The following CREG1 variants were observed in gnomAD, a reference collection of about 807,000 sequenced individuals.
CREG1 encodes the protein protein CREG1.
A neutral mutation model predicts 19.9 loss-of-function variants in CREG1; 20 were observed. That is an observed-to-expected ratio of 1.01 (90% confidence interval 0.71 to 1.46). CREG1 has a LOEUF of 1.46. Among genes scored for constraint, CREG1 ranks in the 40% most tolerant of loss-of-function variants. CREG1 has a pLI of 0.00. For synonymous variants in CREG1, 141 were observed against 143.3 expected (o/e 0.98, Z 0.12); for missense variants, 290 against 314.9 (o/e 0.92, Z 0.60).
At chr1:167,546,042 G>A in intron 3 of CREG1, 59 bp downstream of exon 3, 1 of 1,456,870 alleles carries the variant, frequency 6.9e-7, no homozygotes, top group Non-Finnish European at 9.2e-7. Context: ...CCTTGCCTTA[G>A]AAGGCTGAGG....
intron 1 of CREG1, among the ~76,000 whole-genome samples, chr1:167,551,866 G>T (rs994026414): frequency 3.9e-5 from 6 of 152,188 alleles, no homozygotes; most frequent in African/African-American, 1.4e-4. Context: ...ATAAGAAAAT[G>T]GTGAACTGGG....
chr1:167,551,072 C>T (rs1390898545), intron 1 of CREG1, among the ~76,000 whole-genome samples: 1 of 152,158 alleles, frequency 6.6e-6, no homozygotes, highest in Non-Finnish European at 1.5e-5. Flanking sequence ...CAAACACGGT[C>T]CCACTATAAG....
At chr1:167,549,655 T>A (rs1295277046) in intron 1 of CREG1, among the ~76,000 whole-genome samples, 1 of 151,956 alleles carries the variant, frequency 6.6e-6, no homozygotes, top group Non-Finnish European at 1.5e-5. Context: ...AGTGCTGGGA[T>A]TACAGGCGTG....
chr1:167,541,959 G>A lies in CREG1; in HGVS notation c.*339C>T, dbSNP rs1271203904. Reference sequence around the variant, plus strand: ...TACTCAACTACCTTCAAATGCCAATGGGCAATTTAAAACTGGTACTCATTC... The same window carrying A: ...TACTCAACTACCTTCAAATGCCAATAGGCAATTTAAAACTGGTACTCATTC... On this transcript the variant is annotated 3_prime_UTR_variant, in exon 4 of 4. Transcript: ENST00000370509. 4.8e-6 allele frequency: 1 copy of A among 209,328 alleles called. No individual in the cohort carries two copies. Among genetic ancestry groups the A allele is most frequent in the Non-Finnish European group, 9.5e-6 (1 of 105,356 alleles). The allele number at this position is 209,328 out of a possible 1,614,324, so 13.0% of individuals were successfully genotyped here.
Position 167,542,231 on chromosome 1 carries a change from C to A in CREG1, c.*67G>T. On this transcript the variant is annotated 3_prime_UTR_variant, in exon 4 of 4. Coordinates refer to ENST00000370509, the MANE Select transcript of CREG1 (RefSeq NM_003851.3). ...GGACGCTTTCCAGAGAAACATTAAG[C>A]CTTTTAAGTGTGTATGAGCCACTTT... The A allele has an allele frequency of 7.0e-7, 1 of 1,429,690 alleles. No homozygotes were observed. 88.6% of individuals were successfully genotyped at this position (1,429,690 alleles called of 1,614,324 possible).
At chr1:167,552,950 G>C (rs1011392466) in intron 1 of CREG1, among the ~76,000 whole-genome samples, 1 of 151,906 alleles carries the variant, frequency 6.6e-6, no homozygotes. Context: ...GGTAGGCTGA[G>C]GCACGAGAAT....
At chr1:167,551,897 A>T (rs1016811305) in intron 1 of CREG1, among the ~76,000 whole-genome samples, 5 of 152,250 alleles carry the variant, frequency 3.3e-5, no homozygotes, top group African/African-American at 9.6e-5. Flanking sequence ...CTTAGCTAAA[A>T]GAGGGCACTG....
At position 167,546,173 on chromosome 1, in the gene CREG1, T is replaced by C. The variant is rs766343738; in HGVS notation, c.587A>G (p.Asn196Ser). 12 of 1,613,492 alleles carry C rather than the reference T, an allele frequency of 7.4e-6. No individual in the cohort carries two copies. Among genetic ancestry groups the C allele is most frequent in the African/African-American group, 4.0e-5 (3 of 74,930 alleles). Reference sequence around the variant, plus strand: ...ACCAAAGTAGTCCAGGACCCAGATATTGGTTATATTCAACTTAGCAAAGAA... The same window carrying C: ...ACCAAAGTAGTCCAGGACCCAGATACTGGTTATATTCAACTTAGCAAAGAA... Reference protein sequence around the residue: ...NWFFAKLNITNIWVLDYFGGP... With the variant: ...NWFFAKLNITSIWVLDYFGGP... The change falls in exon 3 of 4, where the codon AAT (asparagine) becomes AGT (serine). Residue 196 changes from asparagine to serine, a missense_variant. Asn to Ser is a conservative substitution (Grantham distance 46). Coordinates refer to ENST00000370509, the MANE Select transcript of CREG1 (RefSeq NM_003851.3).
At chr1:167,547,933 A>T (rs1301790603) in intron 2 of CREG1, 69 bp downstream of exon 2, 1 of 1,518,676 alleles carries the variant, frequency 6.6e-7, no homozygotes, top group East Asian at 2.3e-5. Flanking sequence ...AAGAAAAATG[A>T]TCTATTCTTT....
At position 167,541,181 on chromosome 1, in the gene CREG1, A is replaced by G. The variant is rs1355001755; in HGVS notation, c.*1117T>C. 2 of 152,174 alleles carry G rather than the reference A, an allele frequency of 1.3e-5. No individual in the cohort carries two copies. Among genetic ancestry groups the G allele is most frequent in the African/African-American group, 4.8e-5 (2 of 41,436 alleles). The allele number at this position is 152,174 out of a possible 1,614,324, so 9.4% of individuals were successfully genotyped here. ...TCATATTCAACTTTTCTCTTTAAGG[A>G]TTCAGTGGCTTGATTCCTGACATTT... On this transcript the variant is annotated 3_prime_UTR_variant, in exon 4 of 4. Coordinates refer to ENST00000370509, the MANE Select transcript of CREG1 (RefSeq NM_003851.3).
intron 1 of CREG1, among the ~76,000 whole-genome samples, chr1:167,550,032 C>T (rs1405538612): frequency 6.6e-6 from 1 of 152,170 alleles, no homozygotes; most frequent in Non-Finnish European, 1.5e-5. Flanking sequence ...CTCTGTCACC[C>T]AGGCTGGAGT....
At chr1:167,546,366 G>T in intron 2 of CREG1, 81 bp from the exon 3 acceptor site, 1 of 1,000,340 alleles carries the variant, frequency 1.0e-6, no homozygotes, top group Non-Finnish European at 1.5e-6. Flanking sequence ...TGATTAGGCC[G>T]GGTGCAGTGG....
At chr1:167,546,722 A>G (rs1656333969) in intron 2 of CREG1, among the ~76,000 whole-genome samples, 1 of 152,262 alleles carries the variant, frequency 6.6e-6, no homozygotes, top group South Asian at 2.1e-4. Context: ...TCTTAACCTT[A>G]AGGAATCAAG....
intron 3 of CREG1, among the ~76,000 whole-genome samples, chr1:167,545,415 G>GGTGACAGCCTAT: frequency 6.6e-6 from 1 of 152,000 alleles, no homozygotes; most frequent in East Asian, 1.9e-4. Flanking sequence ...TAAACCACAG[G>GGTGACAGCCTAT]GTGACAGCCT....
Position 167,553,593 on chromosome 1 carries a change from G to C in CREG1, c.149C>G (p.Pro50Arg). The C allele has an allele frequency of 7.0e-7, 1 of 1,420,164 alleles. No individual in the cohort carries two copies. Among genetic ancestry groups the C allele is most frequent in the Non-Finnish European group, 9.2e-7 (1 of 1,092,092 alleles). The allele number at this position is 1,420,164 out of a possible 1,614,324, so 88.0% of individuals were successfully genotyped here. A position where few individuals can be genotyped will look rare whatever the true frequency, so the allele number is the denominator to read the frequency against. The change falls in exon 1 of 4, where the codon CCA (proline) becomes CGA (arginine). Residue 50 changes from proline (P) to arginine (R), a missense_variant. Transcript: ENST00000370509. ...WDEASRLPPL[P>R]PREDAARVAR... ...CACGCGCGCCGCGTCCTCGCGGGGTGGTAGCGGCGGCAGCCGGGAGGCCTC... is the reference window on the plus strand; with the variant it reads ...CACGCGCGCCGCGTCCTCGCGGGGTCGTAGCGGCGGCAGCCGGGAGGCCTC...
At chr1:167,543,537 C>T (rs768180407) in intron 3 of CREG1, among the ~76,000 whole-genome samples, 10 of 152,358 alleles carry the variant, frequency 6.6e-5, no homozygotes, top group South Asian at 4.1e-4. Flanking sequence ...AGCTCCAGAA[C>T]GCCTGTGAGG....
At chr1:167,543,635 G>A (rs1158820674) in intron 3 of CREG1, among the ~76,000 whole-genome samples, 2 of 152,198 alleles carry the variant, frequency 1.3e-5, no homozygotes, top group Non-Finnish European at 2.9e-5. Flanking sequence ...CAGCTCTGGT[G>A]GCAAACCTGG....
rs980986769 is a variant in CREG1 at position 167,553,556 on chromosome 1, C to T, written c.186G>A (p.Val62=). ...REDAARVARF[V]THVSDWGALA... ...GAGCGCCCCAGTCGGAGACGTGCGT[C>T]ACGAAGCGGGCCACGCGCGCCGCGT... Residue 62 remains valine (V), a synonymous_variant, in exon 1 of 4, where the codon GTG becomes GTA. Coordinates refer to ENST00000370509, the MANE Select transcript of CREG1 (RefSeq NM_003851.3). 6.8e-7 allele frequency: 1 copy of T among 1,468,102 alleles called. No individual in the cohort carries two copies. The highest frequency in any genetic ancestry group is 9.0e-7 in the Non-Finnish European group (1 of 1,116,460). 90.9% of individuals were successfully genotyped at this position (1,468,102 alleles called of 1,614,324 possible). A position where few individuals can be genotyped will look rare whatever the true frequency, so the allele number is the denominator to read the frequency against.
At chr1:167,543,613 C>G (rs1571624232) in intron 3 of CREG1, among the ~76,000 whole-genome samples, 1 of 152,164 alleles carries the variant, frequency 6.6e-6, no homozygotes, top group Non-Finnish European at 1.5e-5. Flanking sequence ...GTACACTCCC[C>G]GGACTATTAA....
Sources: gnomAD v4.1 joint callset for allele counts (sites outside exome capture counted in the v4.1 genomes callset) on GRCh38, gnomAD v4.1.1 for gene constraint, MANE v1.5 for transcripts, NCBI Gene and HGNC (gene_info 2026-07-23, HGNC 2026-07-21) for gene names.